ARMC9: variants seen among roughly 807,000 people sequenced by gnomAD.
The protein encoded by ARMC9 is lisH domain-containing protein ARMC9.
A neutral mutation model predicts 107.0 loss-of-function variants in ARMC9; 94 were observed. That is an observed-to-expected ratio of 0.88 (90% CI 0.74 to 1.04). The LOEUF (loss-of-function observed/expected upper bound fraction) is 1.04. Ranked by LOEUF, ARMC9 falls within the 50% of genes least tolerant of loss-of-function variation. The probability of loss-of-function intolerance (pLI) is 0.00; values close to 1 mark genes in which losing one functional copy is unlikely to be tolerated. For missense variants in ARMC9, 942 were observed against 1,030.1 expected, an observed-to-expected ratio of 0.91 and a Z score of 1.17; for synonymous variants, 380 against 396.9, an observed-to-expected ratio of 0.96 and a Z score of 0.51.
At chr2:231,208,035 T>G in intron 2 of ARMC9, 92 bp from the exon 3 acceptor site, 1 of 638,092 alleles carries the variant, frequency 1.6e-6, no homozygotes. Context: ...TAATGTCTTC[T>G]TTGGATAAAT....
intron 12 of ARMC9, among the ~76,000 whole-genome samples, chr2:231,263,455 G>A (rs1241401171): frequency 1.3e-5 from 2 of 152,202 alleles, no homozygotes; most frequent in African/African-American, 2.4e-5. Flanking sequence ...AATGGGGGTC[G>A]AAGCTGTCTT....
chr2:231,284,235 C>G (rs1439698659), intron 17 of ARMC9, among the ~76,000 whole-genome samples: 1 of 152,194 alleles, frequency 6.6e-6, no homozygotes, highest in Non-Finnish European at 1.5e-5. Flanking sequence ...ACACTAGGAT[C>G]TTATTAGCTA....
chr2:231,313,553 G>C (rs1209333868), intron 19 of ARMC9, among the ~76,000 whole-genome samples: 1 of 151,952 alleles, frequency 6.6e-6, no homozygotes, highest in African/African-American at 2.4e-5. Flanking sequence ...TAAATTTATA[G>C]AGTTGTGCTA....
chr2:231,287,266 A>G lies in ARMC9; in HGVS notation c.1627-4087A>G, dbSNP rs1427435569. 3.3e-5 allele frequency among the ~76,000 whole-genome samples: 5 copies of G among 152,130 alleles called. No homozygotes were observed. The South Asian group carries it at 1.0e-3, about 32-fold the overall frequency. ...GCTGGGTGCTGCTGCTCCCCACCCA[A>G]CAGAATGATGTGTATTCCCCACGCA... On this transcript the variant is annotated intron_variant, in intron 17 of 24. Transcript: ENST00000611582.
At chr2:231,276,389 G>A (rs1283871286) in intron 14 of ARMC9, among the ~76,000 whole-genome samples, 2 of 151,698 alleles carry the variant, frequency 1.3e-5, no homozygotes, top group African/African-American at 4.8e-5. Flanking sequence ...TCGTGCCTCA[G>A]CCTCCCAAGT....
intron 19 of ARMC9, among the ~76,000 whole-genome samples, chr2:231,301,511 T>C (rs759928446): frequency 6.6e-6 from 1 of 152,208 alleles, no homozygotes; most frequent in Non-Finnish European, 1.5e-5. Context: ...TTTTTTTTAA[T>C]GTTTTTGCCA....
rs1466889776 is a variant in ARMC9, at chr2:231,297,826, G to A, written c.1773+1573G>A. 6.6e-6 allele frequency among the ~76,000 whole-genome samples: 1 copy of A among 151,996 alleles called. No homozygotes were observed. The highest frequency in any genetic ancestry group is 1.5e-5 in the Non-Finnish European group (1 of 67,976). ...AGTTTAAATTAATATTTAATTATTT[G>A]TTTTTAACAACTTTTTTTCATTGTG... On this transcript the variant is annotated intron_variant, in intron 19 of 24. Coordinates refer to ENST00000611582, the MANE Select transcript of ARMC9 (RefSeq NM_001352754.2). The surrounding 1 kb of genome is among the most constrained non-coding windows in gnomAD (Gnocchi z 4.2).
intron 9 of ARMC9, among the ~76,000 whole-genome samples, chr2:231,244,152 A>G (rs906018289): frequency 1.3e-5 from 2 of 152,164 alleles, no homozygotes; most frequent in Non-Finnish European, 2.9e-5. Context: ...AGTTTGGTAC[A>G]CTTGATACTG....
Position 231,314,914 on chromosome 2 carries a change from A to T in ARMC9, c.1774-16879A>T, listed in dbSNP as rs563514893. ...AGTATCATTTGTTGAAAAGACTATT[A>T]TTCAACCCGTTGTATTGCTTTGTCA... On this transcript the variant is annotated intron_variant, in intron 19 of 24. Coordinates refer to ENST00000611582, the MANE Select transcript of ARMC9 (RefSeq NM_001352754.2). 3.3e-5 allele frequency among the ~76,000 whole-genome samples: 5 copies of T among 152,300 alleles called. No homozygotes were observed. The South Asian group carries it at 1.0e-3, about 32-fold the overall frequency.
At chr2:231,276,451 G>A (rs895190251) in intron 14 of ARMC9, among the ~76,000 whole-genome samples, 185 bp from the exon 15 acceptor site, 8 of 152,040 alleles carry the variant, frequency 5.3e-5, no homozygotes, top group African/African-American at 1.4e-4. Context: ...TGTATTTTTA[G>A]TAGAGACGGG....
At chr2:231,277,194 C>G (rs2039835087) in intron 15 of ARMC9, among the ~76,000 whole-genome samples, 1 of 152,202 alleles carries the variant, frequency 6.6e-6, no homozygotes, top group South Asian at 2.1e-4. Flanking sequence ...TGCCCCAGCC[C>G]TGGAGGTGGA....
intron 7 of ARMC9, among the ~76,000 whole-genome samples, 179 bp downstream of exon 7, chr2:231,226,977 T>TG (rs1253932123): frequency 6.6e-6 from 1 of 152,186 alleles, no homozygotes; most frequent in Non-Finnish European, 1.5e-5. Context: ...TCGGGAGGGC[T>TG]GGTATTGTTA....
intron 17 of ARMC9, among the ~76,000 whole-genome samples, chr2:231,289,859 T>C (rs1301849127): frequency 1.3e-5 from 2 of 152,324 alleles, no homozygotes; most frequent in Non-Finnish European, 2.9e-5. Context: ...TCTGCTCTTC[T>C]CTCACTGCCA....
intron 17 of ARMC9, among the ~76,000 whole-genome samples, chr2:231,285,674 G>A (rs1337933160): frequency 6.6e-6 from 1 of 151,402 alleles, no homozygotes; most frequent in African/African-American, 2.4e-5. Context: ...AGTAGAATAA[G>A]CTTCCCTCTG....
intron 18 of ARMC9, among the ~76,000 whole-genome samples, chr2:231,292,422 C>T (rs2041077587): frequency 6.6e-6 from 1 of 152,276 alleles, no homozygotes; most frequent in South Asian, 2.1e-4. Flanking sequence ...TAAGAAACTT[C>T]ATCATTTTCC....
At chr2:231,287,526 A>G (rs2040681772) in intron 17 of ARMC9, among the ~76,000 whole-genome samples, 2 of 151,932 alleles carry the variant, frequency 1.3e-5, no homozygotes, top group Middle Eastern at 3.4e-3. Context: ...CTCACTAGGT[A>G]TGGGCTTTGC....
chr2:231,315,479 C>G (rs771488801), intron 19 of ARMC9, among the ~76,000 whole-genome samples: 4 of 152,104 alleles, frequency 2.6e-5, no homozygotes, highest in Non-Finnish European at 5.9e-5. Flanking sequence ...GCAGAGGTTA[C>G]AGTGAGCCGA....
At position 231,215,004 on chromosome 2, in the gene ARMC9, G is replaced by T; in HGVS notation, c.348+3G>T. The T allele has an allele frequency of 6.2e-7, 1 of 1,613,856 alleles. No homozygotes were observed. The highest frequency in any genetic ancestry group is 2.2e-5 in the East Asian group (1 of 44,868). ...TGAAGTACTCTGTGGGGAGACCGGT[G>T]GGTTTACCTGGTGATGCGGGTGGGT... On this transcript the variant is annotated splice_donor_region_variant and intron_variant, in intron 4 of 24. Coordinates refer to ENST00000611582, the MANE Select transcript of ARMC9 (RefSeq NM_001352754.2).
At chr2:231,250,375 C>T (rs1373107157) in intron 9 of ARMC9, among the ~76,000 whole-genome samples, 1 of 152,204 alleles carries the variant, frequency 6.6e-6, no homozygotes, top group Non-Finnish European at 1.5e-5. Context: ...AGTAGCACTA[C>T]TCCCGCTATT....
Sources: gnomAD v4.1 joint callset for allele counts (sites outside exome capture counted in the v4.1 genomes callset) on GRCh38, gnomAD v4.1.1 for gene constraint, Gnocchi (gnomAD v3.1) non-coding constraint, MANE v1.5 for transcripts, NCBI Gene and HGNC (gene_info 2026-07-23, HGNC 2026-07-21) for gene names.